The following PNPLA8 variants were observed in gnomAD, a reference collection of about 807,000 sequenced individuals.
PNPLA8 encodes patatin like domain 8, phospholipase A2, also known as calcium-independent phospholipase A2-gamma.
A neutral mutation model predicts 76.9 loss-of-function variants in PNPLA8; 39 were observed. The observed-to-expected ratio is 0.51, with a 90% CI of 0.39 to 0.66. The LOEUF is 0.66. Among genes scored for constraint, PNPLA8 ranks in the 30% least tolerant of loss-of-function variants. PNPLA8 has a pLI of 0.00. For missense variants in PNPLA8, 887 were observed against 918.0 expected, an observed-to-expected ratio of 0.97 and a Z score of 0.44; for synonymous variants, 301 against 307.9, an observed-to-expected ratio of 0.98 and a Z score of 0.24.
intron 4 of PNPLA8, among the ~76,000 whole-genome samples, chr7:108,511,726 T>C (rs914707907): frequency 6.6e-6 from 1 of 152,198 alleles, no homozygotes; most frequent in Admixed American, 6.5e-5. Flanking sequence ...CATTTGGATC[T>C]AATCAGTTAC....
At chr7:108,483,762 T>A (rs566638261) in intron 9 of PNPLA8, among the ~76,000 whole-genome samples, 2 of 152,344 alleles carry the variant, frequency 1.3e-5, no homozygotes, top group South Asian at 4.1e-4. Flanking sequence ...CTACTTAGAT[T>A]CCTTCAATGC....
At chr7:108,482,058 A>G (rs1860436078) in intron 9 of PNPLA8, among the ~76,000 whole-genome samples, 1 of 151,570 alleles carries the variant, frequency 6.6e-6, no homozygotes, top group Non-Finnish European at 1.5e-5. Context: ...ATTTAATTCT[A>G]TTTATCTACA....
In PNPLA8 at chr7:108,515,510, T is replaced by G; in HGVS notation, c.-19A>C. 7.2e-7 allele frequency: 1 copy of G among 1,381,898 alleles called. No individual in the cohort carries two copies. The allele number at this position is 1,381,898 out of a possible 1,614,324, so 85.6% of individuals were successfully genotyped here. ...TAGACATAACTTAAAAATCATTTAT[T>G]TTCTATGACATTCTCTCACTTCTTG... On this transcript the variant is annotated 5_prime_UTR_variant, in exon 3 of 11. Coordinates refer to ENST00000257694, the MANE Select transcript of PNPLA8 (RefSeq NM_001256007.3).
intron 7 of PNPLA8, among the ~76,000 whole-genome samples, chr7:108,496,147 A>T (rs1861531591): frequency 6.6e-6 from 1 of 152,130 alleles, no homozygotes; most frequent in Non-Finnish European, 1.5e-5. Context: ...ACGTGGGAGG[A>T]TCACTTGAGC....
At position 108,524,656 on chromosome 7, in the gene PNPLA8, T is replaced by C. The variant is rs568062443; in HGVS notation, c.-130+1373A>G. On this transcript the variant is annotated intron_variant, in intron 1 of 10. Transcript: ENST00000257694. ...CCTGGCCAACATGGGGAAACCCGTC[T>C]CTACTTAAAAAAATTAGCCGGGTGT... is the stretch of plus-strand genomic sequence containing the variant. 2.0e-5 allele frequency among the ~76,000 whole-genome samples: 3 copies of C among 152,214 alleles called. No homozygotes were observed. The South Asian group carries it at 6.2e-4, about 32-fold the overall frequency.
At chr7:108,490,960 T>C (rs2154515330) in intron 8 of PNPLA8, among the ~76,000 whole-genome samples, 1 of 152,326 alleles carries the variant, frequency 6.6e-6, no homozygotes, top group East Asian at 1.9e-4. Context: ...CATCTCTTCA[T>C]AGAATGACTC....
At chr7:108,473,685 T>C (rs77421982) in intron 10 of PNPLA8, among the ~76,000 whole-genome samples, 2,676 of 152,308 alleles carry the variant, frequency 0.018, 88 homozygotes, top group African/African-American at 0.06. Flanking sequence ...CATTTGTATA[T>C]CTTCTTTAAT....
At chr7:108,473,780 C>A (rs1179101719) in intron 10 of PNPLA8, among the ~76,000 whole-genome samples, 1 of 152,144 alleles carries the variant, frequency 6.6e-6, no homozygotes, top group Admixed American at 6.5e-5. Flanking sequence ...TCATGGCTCA[C>A]CGCAACCTCG....
At position 108,472,274 on chromosome 7, in the gene PNPLA8, T is replaced by G. The variant is rs571588354; in HGVS notation, c.*127A>C. 1 of 665,102 alleles carries G rather than the reference T, an allele frequency of 1.5e-6. No individual in the cohort carries two copies. Among genetic ancestry groups the G allele is most frequent in the East Asian group, 2.8e-5 (1 of 36,170 alleles). 41.2% of individuals were successfully genotyped at this position (665,102 alleles called of 1,614,324 possible). A position where few individuals can be genotyped will look rare whatever the true frequency, so the allele number is the denominator to read the frequency against. Reference sequence around the variant, plus strand: ...TATGCAAGCTGGTTGAAGCACCGTCTTTTTCAGGATTCTCCAGAATTCATA... The same window carrying G: ...TATGCAAGCTGGTTGAAGCACCGTCGTTTTCAGGATTCTCCAGAATTCATA... On this transcript the variant is annotated 3_prime_UTR_variant, in exon 11 of 11. Transcript: ENST00000257694.
At position 108,493,444 on chromosome 7, in the gene PNPLA8, C is replaced by G. The variant is rs1012466460; in HGVS notation, c.1626-1977G>C. ...ATATTTTTTGAGACGGAGTCTCGCT[C>G]TGTCGCCCAGACTGGAGTGCAGTGG... On this transcript the variant is annotated intron_variant, in intron 7 of 10. Coordinates refer to ENST00000257694, the MANE Select transcript of PNPLA8 (RefSeq NM_001256007.3). Among the ~76,000 whole-genome samples the G allele has an allele frequency of 1.2e-4, 19 of 152,042 alleles. No homozygotes were observed. In the East Asian group the frequency reaches 3.5e-3, roughly 28 times the overall value.
At chr7:108,491,799 T>C (rs1424196988) in intron 7 of PNPLA8, among the ~76,000 whole-genome samples, 2 of 152,186 alleles carry the variant, frequency 1.3e-5, no homozygotes, top group Admixed American at 1.3e-4. Flanking sequence ...CTAGGACATA[T>C]ACAGATTAAA....
rs551018676 is a variant in PNPLA8 at position 108,513,998 on chromosome 7, T to C, written c.1206+146A>G. 190 of 571,976 alleles carry C rather than the reference T, an allele frequency of 3.3e-4. 1 individual carries two copies. Among genetic ancestry groups the C allele is most frequent in the African/African-American group, 3.1e-3 (165 of 53,040 alleles). The allele number at this position is 571,976 out of a possible 1,614,324, so 35.4% of individuals were successfully genotyped here. ...AGCATAATGTATGTCACAAAATAAA[T>C]AGGGTAATTACTGAATACACATCAC... On this transcript the variant is annotated intron_variant, in intron 4 of 10. Transcript: ENST00000257694.
chr7:108,527,723 GC>G (rs1864142166), upstream of PNPLA8: 1 of 152,184 alleles, frequency 6.6e-6, no homozygotes, highest in Non-Finnish European at 1.5e-5. Flanking sequence ...CAAGATTCTT[GC>G]TGAAGACAGG....
chr7:108,493,164 G>C (rs990993472), intron 7 of PNPLA8, among the ~76,000 whole-genome samples: 6 of 151,802 alleles, frequency 4.0e-5, no homozygotes, highest in African/African-American at 1.2e-4. Context: ...GGCTGAGTTT[G>C]AAAAAGCAGA....
intron 5 of PNPLA8, among the ~76,000 whole-genome samples, chr7:108,498,219 A>C (rs1039794968): frequency 6.6e-6 from 1 of 151,454 alleles, no homozygotes; most frequent in South Asian, 2.1e-4. Context: ...CTCTCTTACT[A>C]ACATAGTTGG....
chr7:108,484,237 G>A (rs578246797), intron 9 of PNPLA8, among the ~76,000 whole-genome samples: 2 of 152,258 alleles, frequency 1.3e-5, no homozygotes, highest in African/African-American at 4.8e-5. Flanking sequence ...CAGCAGTTAA[G>A]GTTTCTGGGC....
chr7:108,518,776 T>C (rs40882), intron 2 of PNPLA8, among the ~76,000 whole-genome samples: 43,156 of 142,614 alleles, frequency 0.3, 7,146 homozygotes, highest in African/African-American at 0.39. Flanking sequence ...CACACACACA[T>C]ATATTAAGAA....
At chr7:108,502,850 A>C in intron 4 of PNPLA8, 1 of 360,138 alleles carries the variant, frequency 2.8e-6, no homozygotes, top group Non-Finnish European at 4.9e-6. Context: ...GAGGACAAAA[A>C]TTAACCAATA....
intron 5 of PNPLA8, among the ~76,000 whole-genome samples, chr7:108,498,398 G>A (rs1022744225): frequency 1.3e-5 from 2 of 151,426 alleles, no homozygotes; most frequent in Non-Finnish European, 2.9e-5. Flanking sequence ...CCGAGTAGCT[G>A]GGACTACAGG....
Sources: gnomAD v4.1 joint callset for allele counts (sites outside exome capture counted in the v4.1 genomes callset) on GRCh38, gnomAD v4.1.1 for gene constraint, MANE v1.5 for transcripts, NCBI Gene and HGNC (gene_info 2026-07-23, HGNC 2026-07-21) for gene names.